Variants in SESTD1 observed in about 807,000 individuals in gnomAD.
The protein encoded by SESTD1 is SEC14 domain and spectrin repeat-containing protein 1.
SESTD1 carries 43 observed loss-of-function variants against 101.7 expected under a neutral mutation model. The ratio of observed to expected loss-of-function variants is 0.42; its 90% CI spans 0.33 to 0.55. SESTD1 has a LOEUF of 0.55. Ranked by LOEUF, SESTD1 falls within the 20% of genes least tolerant of loss-of-function variation. SESTD1 has a pLI of 0.07. For missense variants in SESTD1, 647 were observed against 815.1 expected (o/e 0.79, Z 2.51); for synonymous variants, 283 against 286.8 (o/e 0.99, Z 0.13).
intron 1 of SESTD1, among the ~76,000 whole-genome samples, chr2:179,209,890 C>A (rs1252230472): frequency 7.6e-6 from 1 of 131,076 alleles, no homozygotes; most frequent in Non-Finnish European, 1.6e-5. Context: ...ACTGAAACAA[C>A]AACAAAAAAA....
chr2:179,124,519 C>T lies in SESTD1; in HGVS notation c.1012G>A (p.Ala338Thr), dbSNP rs760351327. The change falls in exon 11 of 18, where the codon GCA becomes ACA. Residue 338 changes from alanine (A) to threonine (T), a missense_variant. Transcript: ENST00000428443. ...AVYVELNQQI[A>T]ALLNAGDEED... ...TCATCGCCAGCATTCAAGAGTGCTG[C>T]AATTTGCTGATTAAGTTCCACATAC... 6.2e-7 allele frequency: 1 copy of T among 1,614,068 alleles called. No individual in the cohort carries two copies. Among genetic ancestry groups the T allele is most frequent in the Non-Finnish European group, 8.5e-7 (1 of 1,179,982 alleles).
chr2:179,222,136 T>A (rs1279675400), intron 1 of SESTD1, among the ~76,000 whole-genome samples: 1 of 152,140 alleles, frequency 6.6e-6, no homozygotes, highest in Non-Finnish European at 1.5e-5. Flanking sequence ...GTAAGCGATA[T>A]TAGCTATCTA....
chr2:179,237,536 C>T (rs1399769165), intron 1 of SESTD1, among the ~76,000 whole-genome samples: 4 of 152,130 alleles, frequency 2.6e-5, no homozygotes, highest in Non-Finnish European at 4.4e-5. Flanking sequence ...TGTCCCTTCC[C>T]TACAAGTCCC....
chr2:179,140,532 AAGAAAATAAATTTCT>A (rs1434830174), intron 9 of SESTD1, among the ~76,000 whole-genome samples: 2 of 152,176 alleles, frequency 1.3e-5, no homozygotes, highest in East Asian at 3.9e-4. Context: ...TCAGAACTGC[AAGAAAATAAATTTCT>A]GTTGTTAAAT....
intron 2 of SESTD1, among the ~76,000 whole-genome samples, chr2:179,188,120 G>A (rs1196003822): frequency 6.6e-6 from 1 of 152,054 alleles, no homozygotes; most frequent in Non-Finnish European, 1.5e-5. Flanking sequence ...ATCAACCACA[G>A]AATATACATT....
At chr2:179,111,586 G>A (rs966085336) in intron 17 of SESTD1, among the ~76,000 whole-genome samples, 2 of 152,160 alleles carry the variant, frequency 1.3e-5, no homozygotes, top group Admixed American at 1.3e-4. Flanking sequence ...ATACCACAAC[G>A]TTAAAGGTAC....
Position 179,128,314 on chromosome 2 carries a change from T to C in SESTD1, c.973-3756A>G, listed in dbSNP as rs150520536. ...AAATTAACACCTGAAATTAGAGACA[T>C]TGATATTACCGATTGAGGTTGCCAT... On this transcript the variant is annotated intron_variant, in intron 10 of 17. Coordinates refer to ENST00000428443, the MANE Select transcript of SESTD1 (RefSeq NM_178123.5). Among the ~76,000 whole-genome samples the C allele has an allele frequency of 3.9e-3, 597 of 152,264 alleles. 1 individual carries two copies. The highest frequency in any genetic ancestry group is 6.1e-3 in the Admixed American group (94 of 15,300).
rs752511866 is a variant in SESTD1 at position 179,152,682 on chromosome 2, C to T, written c.370-1291G>A. ...TTTGCCGGAAGAGGGAAAATTTCAT[C>T]CTCAGGAAGACACCAAAAACATTGC... On this transcript the variant is annotated intron_variant, in intron 5 of 17. Transcript: ENST00000428443. Among the ~76,000 whole-genome samples, 11 of 152,050 alleles carry T rather than the reference C, an allele frequency of 7.2e-5. 1 individual carries two copies. The highest frequency in any genetic ancestry group is 9.7e-5 in the African/African-American group (4 of 41,408).
chr2:179,122,615 T>A (rs1248113167), intron 12 of SESTD1, among the ~76,000 whole-genome samples: 1 of 152,144 alleles, frequency 6.6e-6, no homozygotes, highest in Non-Finnish European at 1.5e-5. Context: ...GCTGGCCAGG[T>A]GCGCTGGCTC....
chr2:179,247,003 C>T (rs1469004960), intron 1 of SESTD1, among the ~76,000 whole-genome samples: 1 of 152,058 alleles, frequency 6.6e-6, no homozygotes, highest in African/African-American at 2.4e-5. Context: ...TCTGCTTTGT[C>T]CATGTTGAGG....
rs1291012475 is a variant in SESTD1, at chr2:179,108,747, A to G, written c.*1152T>C. The G allele has an allele frequency of 6.6e-6, 1 of 152,094 alleles. No individual in the cohort carries two copies. The highest frequency in any genetic ancestry group is 1.9e-4 in the East Asian group (1 of 5,204). 9.4% of individuals were successfully genotyped at this position (152,094 alleles called of 1,614,324 possible). ...AATGTTCTGAAATAAAAATACATAAAATTTAAATTATATGCATTTTACCAT... is the reference window on the plus strand; with the variant it reads ...AATGTTCTGAAATAAAAATACATAAGATTTAAATTATATGCATTTTACCAT... On this transcript the variant is annotated 3_prime_UTR_variant, in exon 18 of 18. Coordinates refer to ENST00000428443, the MANE Select transcript of SESTD1 (RefSeq NM_178123.5).
rs1353444266 is a variant in SESTD1 at position 179,213,873 on chromosome 2, C to G, written c.-25-22007G>C. 3.7e-5 allele frequency among the ~76,000 whole-genome samples: 5 copies of G among 134,918 alleles called. 1 individual carries two copies. The highest frequency in any genetic ancestry group is 6.4e-5 in the Non-Finnish European group (4 of 62,748). 88.5% of individuals were successfully genotyped at this position (134,918 alleles called of 152,430 possible). ...TTTCAACCCAGAATTTCATATCCAG[C>G]CAAACTAAGCTTCATAAGTGAAGGA... On this transcript the variant is annotated intron_variant, in intron 1 of 17. Coordinates refer to ENST00000428443, the MANE Select transcript of SESTD1 (RefSeq NM_178123.5).
chr2:179,237,274 C>T (rs969263179), intron 1 of SESTD1, among the ~76,000 whole-genome samples: 2 of 152,050 alleles, frequency 1.3e-5, no homozygotes, highest in Non-Finnish European at 2.9e-5. Flanking sequence ...ACCATACTTA[C>T]AGAAATTAGC....
intron 4 of SESTD1, among the ~76,000 whole-genome samples, chr2:179,174,924 C>G (rs1236906475): frequency 7.4e-6 from 1 of 134,378 alleles, no homozygotes; most frequent in Admixed American, 7.9e-5. Flanking sequence ...GGCTGAGTGA[C>G]AAAGTGAGTC....
At chr2:179,159,594 T>C (rs6723850) in intron 5 of SESTD1, among the ~76,000 whole-genome samples, 14,043 of 152,162 alleles carry the variant, frequency 0.092, 2,140 homozygotes, top group African/African-American at 0.32. Context: ...CATTTCAGGG[T>C]AATGCAACAA....
At chr2:179,188,146 T>C (rs2046262508) in intron 2 of SESTD1, among the ~76,000 whole-genome samples, 1 of 152,156 alleles carries the variant, frequency 6.6e-6, no homozygotes, top group Admixed American at 6.5e-5. Flanking sequence ...CATCTGCATA[T>C]GAAACATACT....
chr2:179,130,842 A>T (rs770959922), intron 10 of SESTD1, among the ~76,000 whole-genome samples: 10 of 152,046 alleles, frequency 6.6e-5, no homozygotes, highest in Non-Finnish European at 1.2e-4. Flanking sequence ...CCAGGTTCAA[A>T]CAAATCACAA....
intron 1 of SESTD1, among the ~76,000 whole-genome samples, chr2:179,237,480 T>TTA (rs1219816519): frequency 2.0e-5 from 3 of 152,154 alleles, no homozygotes; most frequent in Admixed American, 2.0e-4. Flanking sequence ...AACATGTGCT[T>TTA]TACAAAGTCA....
At position 179,214,595 on chromosome 2, in the gene SESTD1, C is replaced by A. The variant is rs188670392; in HGVS notation, c.-25-22729G>T. Among the ~76,000 whole-genome samples the A allele has an allele frequency of 2.4e-4, 32 of 134,480 alleles. 7 individuals carry two copies. The highest frequency in any genetic ancestry group is 5.1e-4 in the Admixed American group (7 of 13,854). The allele number at this position is 134,480 out of a possible 152,430, so 88.2% of individuals were successfully genotyped here. ...ACGGATCAACGAGACAGAAAGTTAA[C>A]AAGGATATCCAGGACTTGAACTCAG... On this transcript the variant is annotated intron_variant, in intron 1 of 17. Transcript: ENST00000428443.
Sources: gnomAD v4.1 joint callset for allele counts (sites outside exome capture counted in the v4.1 genomes callset) on GRCh38, gnomAD v4.1.1 for gene constraint, MANE v1.5 for transcripts, NCBI Gene and HGNC (gene_info 2026-07-23, HGNC 2026-07-21) for gene names.